Variants in PLXDC2 observed in about 807,000 individuals in gnomAD.
PLXDC2 encodes plexin domain-containing protein 2.
Under a neutral mutation model 68.9 loss-of-function variants are expected in PLXDC2, and 40 were observed. The observed-to-expected ratio is 0.58, with a 90% confidence interval of 0.45 to 0.76. The LOEUF (loss-of-function observed/expected upper bound fraction) is 0.76, where lower values mean the gene tolerates loss of function less well. Ranked by LOEUF, PLXDC2 falls within the 30% of genes least tolerant of loss-of-function variation. PLXDC2 has a pLI of 0.00. For missense variants in PLXDC2, 644 were observed against 661.9 expected (o/e 0.97, Z 0.30); for synonymous variants, 243 against 234.2 (o/e 1.04, Z -0.34).
At chr10:19,990,502 G>T (rs1165561370) in intron 1 of PLXDC2, among the ~76,000 whole-genome samples, 2 of 21,708 alleles carry the variant, frequency 9.2e-5, no homozygotes, top group African/African-American at 6.1e-4. Context: ...AAGAGAAGCC[G>T]CTGGATTCTA....
chr10:20,202,279 T>C (rs1834930971), intron 9 of PLXDC2, among the ~76,000 whole-genome samples: 1 of 152,164 alleles, frequency 6.6e-6, no homozygotes, highest in African/African-American at 2.4e-5. Flanking sequence ...GTGTTAAATA[T>C]ACTTGCTACT....
chr10:19,964,097 A>T (rs1834207044), intron 1 of PLXDC2, among the ~76,000 whole-genome samples: 1 of 152,224 alleles, frequency 6.6e-6, no homozygotes, highest in Admixed American at 6.5e-5. Flanking sequence ...ATTTAACAAC[A>T]GACTCTCTGA....
intron 7 of PLXDC2, among the ~76,000 whole-genome samples, chr10:20,176,219 A>T (rs1834525070): frequency 6.6e-6 from 1 of 152,110 alleles, no homozygotes; most frequent in South Asian, 2.1e-4. Context: ...AGCAATCCTT[A>T]TTTTTAAAGT....
intron 1 of PLXDC2, among the ~76,000 whole-genome samples, chr10:19,942,464 C>A (rs1349800757): frequency 6.6e-6 from 1 of 152,106 alleles, no homozygotes; most frequent in Non-Finnish European, 1.5e-5. Context: ...CAAAACATTT[C>A]TCATTAAATC....
In PLXDC2 at chr10:20,279,615, T is replaced by C. The variant is rs896207029; in HGVS notation, c.1474-88T>C. 6 of 991,650 alleles carry C rather than the reference T, an allele frequency of 6.1e-6. No homozygotes were observed. The Admixed American group carries it at 1.2e-4, about 20-fold the overall frequency. 61.4% of individuals were successfully genotyped at this position (991,650 alleles called of 1,614,324 possible). A position where few individuals can be genotyped will look rare whatever the true frequency, so the allele number is the denominator to read the frequency against. ...TTTAATGTGTTAATTAATTCAACATTTAATCTAAAATAGCTAGCAAATAGA... is the reference window on the plus strand; with the variant it reads ...TTTAATGTGTTAATTAATTCAACATCTAATCTAAAATAGCTAGCAAATAGA... On this transcript the variant is annotated intron_variant, in intron 13 of 13. Transcript: ENST00000377252.
intron 1 of PLXDC2, among the ~76,000 whole-genome samples, chr10:19,835,625 G>A (rs1393852492): frequency 6.6e-6 from 1 of 152,120 alleles, no homozygotes; most frequent in Non-Finnish European, 1.5e-5. Context: ...AAGAGCAGAG[G>A]GTCAAGGTCA....
intron 3 of PLXDC2, among the ~76,000 whole-genome samples, chr10:20,062,985 T>A (rs1836132114): frequency 6.6e-6 from 1 of 152,114 alleles, no homozygotes; most frequent in African/African-American, 2.4e-5. Context: ...ATTTATTTGA[T>A]CTTATATTTG....
intron 1 of PLXDC2, among the ~76,000 whole-genome samples, chr10:19,826,119 G>A (rs1057356040): frequency 6.6e-6 from 1 of 152,096 alleles, no homozygotes; most frequent in Admixed American, 6.5e-5. Context: ...AGTGGATATG[G>A]GTTCCTGTGA....
At chr10:20,188,070 T>A (rs1834710478) in intron 9 of PLXDC2, among the ~76,000 whole-genome samples, 1 of 151,692 alleles carries the variant, frequency 6.6e-6, no homozygotes, top group African/African-American at 2.4e-5. Flanking sequence ...AAAAGGATAT[T>A]TGACTCGTTT....
At position 20,279,794 on chromosome 10, in the gene PLXDC2, G is replaced by A. The variant is rs761105492; in HGVS notation, c.1565G>A (p.Gly522Asp). The A allele has an allele frequency of 8.7e-6, 14 of 1,613,904 alleles. No individual in the cohort carries two copies. In the East Asian group the frequency reaches 3.1e-4, roughly 36 times the overall value. Residue 522 changes from glycine (G) to aspartate (D), a missense_variant, in exon 14 of 14, where the codon GGC becomes GAC. Gly to Asp is a moderately conservative substitution (Grantham distance 94). This residue lies in a region of PLXDC2 where 330 missense variants were observed against 327.9 expected (regional missense o/e 1.01). Coordinates refer to ENST00000377252, the MANE Select transcript of PLXDC2 (RefSeq NM_032812.9). Reference sequence around the variant, plus strand: ...GTTGAACCAGTTGGAGAGAAAGAAGGCTTTATTGTATCAGAGCAGTGCTAA... The same window carrying A: ...GTTGAACCAGTTGGAGAGAAAGAAGACTTTATTGTATCAGAGCAGTGCTAA... ...AEVEPVGEKE[G>D]FIVSEQC
At chr10:20,027,184 G>A (rs1201217263) in intron 2 of PLXDC2, among the ~76,000 whole-genome samples, 1 of 151,724 alleles carries the variant, frequency 6.6e-6, no homozygotes, top group Non-Finnish European at 1.5e-5. Context: ...GTTATGCAAA[G>A]CCTAGTTCTT....
chr10:20,184,404 C>A (rs964708220), intron 9 of PLXDC2, among the ~76,000 whole-genome samples: 2 of 148,090 alleles, frequency 1.4e-5, no homozygotes, highest in African/African-American at 4.9e-5. Flanking sequence ...TGTATACAAA[C>A]GATATATAGT....
chr10:19,924,326 G>A lies in PLXDC2; in HGVS notation c.113-77449G>A, dbSNP rs372671357. Among the ~76,000 whole-genome samples, 173 of 152,158 alleles carry A rather than the reference G, an allele frequency of 1.1e-3. 1 individual carries two copies. In the East Asian group the frequency reaches 0.019, roughly 17 times the overall value. ...CTTCTTGGCAGAGAGGTTGTCTCTC[G>A]CAGCCTCCCATTCCCAACCCCCTCT... On this transcript the variant is annotated intron_variant, in intron 1 of 13. Transcript: ENST00000377252.
chr10:19,937,646 T>C (rs766383550), intron 1 of PLXDC2, among the ~76,000 whole-genome samples: 15 of 149,398 alleles, frequency 1.0e-4, no homozygotes, highest in Non-Finnish European at 2.2e-4. Context: ...ACATAACTTT[T>C]CTGGCGTGCC....
chr10:20,083,355 T>C lies in PLXDC2; in HGVS notation c.541+15116T>C, dbSNP rs540270496. On this transcript the variant is annotated intron_variant, in intron 4 of 13. Coordinates refer to ENST00000377252, the MANE Select transcript of PLXDC2 (RefSeq NM_032812.9). ...AGCCGGGCGAGGTGGCATGCGCCTG[T>C]AGTCCCAGCTACTCGGGAAGCTGAG... 1.2e-3 allele frequency among the ~76,000 whole-genome samples: 185 copies of C among 151,894 alleles called. 1 individual carries two copies. Among genetic ancestry groups the C allele is most frequent in the Non-Finnish European group, 2.3e-3 (154 of 67,966 alleles).
rs548948391 is a variant in PLXDC2 at position 20,254,916 on chromosome 10, A to G, written c.1473+9411A>G. 5.3e-4 allele frequency among the ~76,000 whole-genome samples: 81 copies of G among 152,344 alleles called. No homozygotes were observed. The South Asian group carries it at 0.016, about 31-fold the overall frequency. ...TGGCAATTGCCTTGTATATGTAATC[A>G]TCAAAATAAGATTTCTTTTATAAAT... On this transcript the variant is annotated intron_variant, in intron 13 of 13. Coordinates refer to ENST00000377252, the MANE Select transcript of PLXDC2 (RefSeq NM_032812.9).
intron 9 of PLXDC2, among the ~76,000 whole-genome samples, chr10:20,195,669 T>A (rs114565684): frequency 6.6e-6 from 1 of 152,156 alleles, no homozygotes; most frequent in East Asian, 1.9e-4. Context: ...TTATTTGTAG[T>A]AAACTAATAA....
In PLXDC2 at chr10:20,281,585, A is replaced by G. The variant is rs1302817112; in HGVS notation, c.*1766A>G. Reference sequence around the variant, plus strand: ...GAACGAATGCCATTTTCTATTCCATATATTTTGCTTTACAATTTTAAGTAT... The same window carrying G: ...GAACGAATGCCATTTTCTATTCCATGTATTTTGCTTTACAATTTTAAGTAT... On this transcript the variant is annotated 3_prime_UTR_variant, in exon 14 of 14. Coordinates refer to ENST00000377252, the MANE Select transcript of PLXDC2 (RefSeq NM_032812.9). 1.3e-5 allele frequency: 2 copies of G among 152,148 alleles called. No homozygotes were observed. Among genetic ancestry groups the G allele is most frequent in the Non-Finnish European group, 2.9e-5 (2 of 68,028 alleles). 9.4% of individuals were successfully genotyped at this position (152,148 alleles called of 1,614,324 possible).
intron 8 of PLXDC2, 78 bp downstream of exon 8, chr10:20,177,172 T>C (rs1206843181): frequency 7.3e-7 from 1 of 1,371,262 alleles, no homozygotes; most frequent in Non-Finnish European, 1.0e-6. Context: ...GTTATAATAA[T>C]CATATTAAAT....
Sources: gnomAD v4.1 joint callset for allele counts (sites outside exome capture counted in the v4.1 genomes callset) on GRCh38, gnomAD v4.1.1 for gene constraint, gnomAD v4.1.1 regional missense constraint, MANE v1.5 for transcripts, NCBI Gene and HGNC (gene_info 2026-07-23, HGNC 2026-07-21) for gene names.